CTH: variants seen among roughly 807,000 people sequenced by gnomAD.
CTH encodes cystathionase (cystathionine gamma-lyase).
A neutral mutation model predicts 50.6 loss-of-function variants in CTH; 41 were observed. The observed-to-expected ratio is 0.81, with a 90% CI of 0.63 to 1.05. CTH has a LOEUF of 1.05. Ranked by LOEUF, CTH falls within the 50% of genes least tolerant of loss-of-function variation. The pLI, the probability that CTH is intolerant of heterozygous loss-of-function variation, is 0.00. For missense variants in CTH, 470 were observed against 492.6 expected (o/e 0.95, Z 0.43); for synonymous variants, 156 against 168.9 (o/e 0.92, Z 0.59).
intron 3 of CTH, among the ~76,000 whole-genome samples, chr1:70,418,954 C>T (rs1003170645): frequency 2.7e-5 from 4 of 149,414 alleles, no homozygotes; most frequent in Non-Finnish European, 4.5e-5. Context: ...AGGTATATCT[C>T]CTAATGCTAT....
intron 5 of CTH, among the ~76,000 whole-genome samples, chr1:70,425,141 A>G (rs1684320052): frequency 1.3e-5 from 2 of 152,166 alleles, no homozygotes; most frequent in African/African-American, 4.8e-5. Context: ...TATATTATAC[A>G]TATTATTTCT....
At chr1:70,429,902 T>C (rs1313649710) in intron 6 of CTH, 51 bp downstream of exon 6, 1 of 1,349,488 alleles carries the variant, frequency 7.4e-7, no homozygotes, top group East Asian at 2.3e-5. Context: ...GAAAATTGCA[T>C]AGGGCTTGGC....
chr1:70,417,814 C>T (rs1684126339), intron 2 of CTH, 123 bp from the exon 3 acceptor site: 1 of 937,890 alleles, frequency 1.1e-6, no homozygotes, highest in Middle Eastern at 2.6e-4. Flanking sequence ...AATCAGGGGC[C>T]TCTAGCAACT....
chr1:70,424,107 A>G (rs1461276595), intron 4 of CTH, among the ~76,000 whole-genome samples, 178 bp from the exon 5 acceptor site: 2 of 152,238 alleles, frequency 1.3e-5, no homozygotes, highest in Admixed American at 1.3e-4. Context: ...AGGATACATT[A>G]CATACCTACG....
chr1:70,432,214 G>A lies in CTH; in HGVS notation c.856G>A (p.Val286Ile). 2.5e-6 allele frequency: 4 copies of A among 1,614,182 alleles called. No homozygotes were observed. The highest frequency in any genetic ancestry group is 3.4e-6 in the Non-Finnish European group (4 of 1,180,026). ...VAQFLESNPWVEKVIYPGLPS... is the reference protein window; with the variant it reads ...VAQFLESNPWIEKVIYPGLPS... ...CCAGTTCCTGGAATCTAATCCTTGG[G>A]TAGAAAAGGTTATTTATCCTGGTAT... The change falls in exon 8 of 12, where the codon GTA becomes ATA. Residue 286 changes from valine to isoleucine, a missense_variant. By Grantham distance (29) the Val-to-Ile change is conservative (BLOSUM62 3). Transcript: ENST00000370938.
Position 70,438,722 on chromosome 1 carries a change from G to A in CTH, c.1087G>A (p.Asp363Asn). The change falls in exon 11 of 12, where the codon GAC (aspartate) becomes AAC (asparagine). Residue 363 changes from aspartate to asparagine, a missense_variant. Asp to Asn is a conservative substitution (Grantham distance 23, BLOSUM62 1). Transcript: ENST00000370938. ...IMTHASVLKNDRDVLGISDTL... is the reference protein window; with the variant it reads ...IMTHASVLKNNRDVLGISDTL... ...GACTCATGCATCAGTTCTTAAGAATGACAGAGATGTCCTTGGAATTAGTGA... is the reference window on the plus strand; with the variant it reads ...GACTCATGCATCAGTTCTTAAGAATAACAGAGATGTCCTTGGAATTAGTGA... 1 of 1,614,096 alleles carries A rather than the reference G, an allele frequency of 6.2e-7. No homozygotes were observed. The highest frequency in any genetic ancestry group is 1.1e-5 in the South Asian group (1 of 91,066).
At chr1:70,435,063 T>C (rs1684568789) in intron 9 of CTH, 62 bp from the exon 10 acceptor site, 1 of 1,497,668 alleles carries the variant, frequency 6.7e-7, no homozygotes, top group East Asian at 2.5e-5. Context: ...AAAACATTTA[T>C]TTTTAGATTT....
intron 5 of CTH, among the ~76,000 whole-genome samples, chr1:70,425,592 C>T (rs959552887): frequency 6.6e-6 from 1 of 152,212 alleles, no homozygotes; most frequent in Non-Finnish European, 1.5e-5. Flanking sequence ...CACAGTTCTG[C>T]AGGCTGTACA....
intron 10 of CTH, among the ~76,000 whole-genome samples, chr1:70,438,288 G>C (rs1043191954): frequency 6.6e-6 from 1 of 152,154 alleles, no homozygotes; most frequent in Non-Finnish European, 1.5e-5. Flanking sequence ...CAGGCTCTTG[G>C]TCCAAGAGAC....
In CTH at chr1:70,411,395, C is replaced by A. The variant is rs753307642; in HGVS notation, c.-21C>A. On this transcript the variant is annotated 5_prime_UTR_variant, in exon 1 of 12. Transcript: ENST00000370938. ...TATATCTTCGGTGTTCTTTTCCTCT[C>A]TTCTTCTTTCGCGGTTCAGCATGCA... The A allele has an allele frequency of 1.2e-5, 19 of 1,613,230 alleles. No individual in the cohort carries two copies. The highest frequency in any genetic ancestry group is 1.7e-5 in the Admixed American group (1 of 60,006).
At chr1:70,420,868 A>G (rs998822312) in intron 3 of CTH, among the ~76,000 whole-genome samples, 5 of 152,168 alleles carry the variant, frequency 3.3e-5, no homozygotes, top group Admixed American at 2.0e-4. Context: ...TTTCAATTTT[A>G]TATTACCTAG....
Position 70,438,805 on chromosome 1 carries a change from A to C in CTH, c.1170A>C (p.Leu390=), listed in dbSNP as rs1684653640. 2 of 1,613,500 alleles carry C rather than the reference A, an allele frequency of 1.2e-6. No homozygotes were observed. The highest frequency in any genetic ancestry group is 2.7e-5 in the African/African-American group (2 of 74,746). Residue 390 remains leucine (L), a synonymous_variant, in exon 11 of 12, where the codon CTA becomes CTC. Coordinates refer to ENST00000370938, the MANE Select transcript of CTH (RefSeq NM_001902.6). The part of the protein sequence containing the change: ...LEDEEDLLED[L]DQALKAAHPP... ...ATGAGGAAGACCTACTGGAAGATCT[A>C]GATCAAGCTTTGAAGGCAGCAGTAA...
chr1:70,429,893 A>G (rs1238892559), intron 6 of CTH, 42 bp downstream of exon 6: 6 of 1,404,032 alleles, frequency 4.3e-6, no homozygotes, highest in Non-Finnish European at 6.1e-6. Flanking sequence ...TGGATAGGTG[A>G]AAATTGCATA....
In CTH at chr1:70,423,810, A is replaced by G. The variant is rs1181115384; in HGVS notation, c.457-475A>G. Among the ~76,000 whole-genome samples the G allele has an allele frequency of 2.6e-5, 4 of 152,232 alleles. No individual in the cohort carries two copies. In the South Asian group the frequency reaches 6.2e-4, roughly 24 times the overall value. ...TCTTCAAGTCTTAGATACTTATTCT[A>G]TAGTTTCTAGAGTTTCTGGCATTAA... On this transcript the variant is annotated intron_variant, in intron 4 of 11. Coordinates refer to ENST00000370938, the MANE Select transcript of CTH (RefSeq NM_001902.6).
At chr1:70,417,545 A>T (rs1259633884) in intron 2 of CTH, among the ~76,000 whole-genome samples, 1 of 152,200 alleles carries the variant, frequency 6.6e-6, no homozygotes, top group East Asian at 1.9e-4. Context: ...TTGGGCTCCC[A>T]AAGTGCTGGG....
intron 4 of CTH, among the ~76,000 whole-genome samples, 197 bp from the exon 5 acceptor site, chr1:70,424,088 C>T (rs917980010): frequency 1.3e-5 from 2 of 152,146 alleles, no homozygotes; most frequent in Admixed American, 6.6e-5. Context: ...CCCAATTATA[C>T]AGATCAATAG....
chr1:70,437,213 A>T (rs1684616700), intron 10 of CTH, among the ~76,000 whole-genome samples: 1 of 152,196 alleles, frequency 6.6e-6, no homozygotes, highest in African/African-American at 2.4e-5. Context: ...TTGCGAGAAC[A>T]TGGGGAAAAA....
Position 70,422,291 on chromosome 1 carries a change from G to A in CTH, c.456+616G>A, listed in dbSNP as rs187171548. ...CATCCTGGGAAATTTGTATGCCACC[G>A]GAAGGTGTTTTGTGTCTGAGTGAAT... On this transcript the variant is annotated intron_variant, in intron 4 of 11. Transcript: ENST00000370938. Among the ~76,000 whole-genome samples the A allele has an allele frequency of 3.9e-5, 6 of 152,262 alleles. No individual in the cohort carries two copies. In the East Asian group the frequency reaches 9.7e-4, roughly 25 times the overall value.
intron 8 of CTH, among the ~76,000 whole-genome samples, chr1:70,432,976 G>A (rs527933941): frequency 8.4e-4 from 127 of 150,484 alleles, no homozygotes; most frequent in Non-Finnish European, 1.1e-3. Flanking sequence ...GAGCCACTAC[G>A]CCCAGCCCCC....
Sources: allele counts gnomAD v4.1 joint callset (sites outside exome capture counted in the v4.1 genomes callset), GRCh38; gene constraint gnomAD v4.1.1; transcripts MANE v1.5; gene names NCBI Gene and HGNC (gene_info 2026-07-23, HGNC 2026-07-21).